The following SARS2 variants were observed in gnomAD, a reference collection of about 807,000 sequenced individuals.
SARS2 encodes serine--tRNA ligase, mitochondrial.
A neutral mutation model predicts 66.8 loss-of-function variants in SARS2; 52 were observed. The ratio of observed to expected loss-of-function variants is 0.78; its 90% CI spans 0.62 to 0.98. The LOEUF is 0.98. Among genes scored for constraint, SARS2 ranks in the 50% least tolerant of loss-of-function variants. The probability of loss-of-function intolerance (pLI) is 0.00; values close to 1 mark genes in which losing one functional copy is unlikely to be tolerated. For missense variants in SARS2, 673 were observed against 706.3 expected, an observed-to-expected ratio of 0.95 and a Z score of 0.53; for synonymous variants, 306 against 281.4, an observed-to-expected ratio of 1.09 and a Z score of -0.87.
Position 38,918,175 on chromosome 19 carries a change from C to T in SARS2, c.917-36G>A, listed in dbSNP as rs766596120. 68 of 1,574,324 alleles carry T rather than the reference C, an allele frequency of 4.3e-5. No individual in the cohort carries two copies. In the Middle Eastern group the frequency reaches 6.7e-4, roughly 15 times the overall value. On this transcript the variant is annotated intron_variant, in intron 9 of 15. Transcript: ENST00000221431. ...AGACCACAGGGTGAGCCAGGGCTGC[C>T]AGTGCCCAGAGGAAGCCTTTGGAAG... is the stretch of plus-strand genomic sequence containing the variant.
Position 38,930,704 on chromosome 19 carries a change from A to C in SARS2, c.33T>G (p.Pro11=), listed in dbSNP as rs771180690. The part of the protein sequence containing the change: MAASMARRLW[P]LLTRRGFRPR... ...GCCGGAACCCCCGACGAGTCAGCAAAGGCCACAAGCGCCGCGCCATGGACG... is the reference window on the plus strand; with the variant it reads ...GCCGGAACCCCCGACGAGTCAGCAACGGCCACAAGCGCCGCGCCATGGACG... Residue 11 remains proline (P), a synonymous_variant, in exon 1 of 16, where the codon CCT becomes CCG. Coordinates refer to ENST00000221431, the MANE Select transcript of SARS2 (RefSeq NM_017827.4). The C allele has an allele frequency of 2.5e-6, 4 of 1,613,820 alleles. No homozygotes were observed. The highest frequency in any genetic ancestry group is 3.4e-6 in the Non-Finnish European group (4 of 1,180,030).
chr19:38,928,205 C>T (rs1005091919), intron 1 of SARS2: 2 of 152,196 alleles, frequency 1.3e-5, no homozygotes, highest in African/African-American at 4.8e-5. Flanking sequence ...ATGGCAAAAT[C>T]CATCTCTACT....
In SARS2 at chr19:38,922,233, A is replaced by G; in HGVS notation, c.393+5T>C. On this transcript the variant is annotated splice_donor_5th_base_variant and intron_variant, in intron 3 of 15. Transcript: ENST00000221431. ...CCTGGATAGGACATCAACTCTTCACAGTACCTGCTGCACTTCACCACTGTC... is the reference window on the plus strand; with the variant it reads ...CCTGGATAGGACATCAACTCTTCACGGTACCTGCTGCACTTCACCACTGTC... The G allele has an allele frequency of 6.2e-7, 1 of 1,614,076 alleles. No homozygotes were observed.
rs367646704 is a variant in SARS2 at position 38,916,157 on chromosome 19, G to A, written c.1255-28C>T. On this transcript the variant is annotated intron_variant, in intron 13 of 15. Coordinates refer to ENST00000221431, the MANE Select transcript of SARS2 (RefSeq NM_017827.4). ...GGGGTGGAGGAGCGGCAGGCTGAGC[G>A]GATCAGGGATGGGGGGCAGGCCTGT... 3.5e-5 allele frequency: 57 copies of A among 1,613,544 alleles called. 1 individual carries two copies. The Middle Eastern group carries it at 1.5e-3, about 42-fold the overall frequency.
At chr19:38,918,558 T>G (rs199981080) in intron 8 of SARS2, 28 bp from the exon 9 acceptor site, 1 of 1,562,312 alleles carries the variant, frequency 6.4e-7, no homozygotes, top group Admixed American at 1.7e-5. Flanking sequence ...GCCACAGGGA[T>G]CAGGGGACAG....
rs370749017 is a variant in SARS2, at chr19:38,915,659, C to T, written c.1504G>A (p.Gly502Ser). ...CCAGGCTTCCGGGGCTGGTTGGGGC[C>T]GATGTACTGGAGAGGCACGTGGGTA... Reference protein sequence around the residue: ...APTHVPLQYIGPNQPRKPGLP... With the variant: ...APTHVPLQYISPNQPRKPGLP... Residue 502 changes from glycine (G) to serine (S), a missense_variant, in exon 16 of 16, where the codon GGC becomes AGC. Physicochemically the swap from Gly to Ser is moderately conservative, Grantham distance 56. Transcript: ENST00000221431. 3.1e-5 allele frequency: 50 copies of T among 1,613,042 alleles called. No homozygotes were observed. The highest frequency in any genetic ancestry group is 5.0e-5 in the Admixed American group (3 of 59,964).
At position 38,915,660 on chromosome 19, in the gene SARS2, G is replaced by C. The variant is rs562766344; in HGVS notation, c.1503C>G (p.Ile501Met). 1 of 1,613,208 alleles carries C rather than the reference G, an allele frequency of 6.2e-7. No homozygotes were observed. The highest frequency in any genetic ancestry group is 1.1e-5 in the South Asian group (1 of 91,014). The change falls in exon 16 of 16, where the codon ATC (isoleucine) becomes ATG (methionine). Residue 501 changes from isoleucine (I) to methionine (M), a missense_variant. Transcript: ENST00000221431. ...CAGGCTTCCGGGGCTGGTTGGGGCCGATGTACTGGAGAGGCACGTGGGTAG... is the reference window on the plus strand; with the variant it reads ...CAGGCTTCCGGGGCTGGTTGGGGCCCATGTACTGGAGAGGCACGTGGGTAG... ...TAPTHVPLQY[I>M]GPNQPRKPGL...
At position 38,916,329 on chromosome 19, in the gene SARS2, G is replaced by A. The variant is rs746422847; in HGVS notation, c.1161-15C>T. On this transcript the variant is annotated splice_polypyrimidine_tract_variant and intron_variant, in intron 12 of 15. Coordinates refer to ENST00000221431, the MANE Select transcript of SARS2 (RefSeq NM_017827.4). ...TATCCAGGACCCTGCGGTCAAGGAC[G>A]AAGGTGTGGGGAAGGTCAGCGGGTG... 1.8e-5 allele frequency: 29 copies of A among 1,609,674 alleles called. No individual in the cohort carries two copies. The highest frequency in any genetic ancestry group is 6.6e-5 in the South Asian group (6 of 90,992).
chr19:38,922,338 A>G (rs904465745), intron 2 of SARS2, 71 bp from the exon 3 acceptor site: 54 of 1,411,974 alleles, frequency 3.8e-5, no homozygotes, highest in Non-Finnish European at 5.2e-5. Context: ...AAAATGGTGA[A>G]AGGTCAAACA....
rs528674259 is a variant in SARS2 at position 38,922,274 on chromosome 19, G to A, written c.364-7C>T. On this transcript the variant is annotated splice_polypyrimidine_tract_variant and splice_region_variant and intron_variant, in intron 2 of 15. Transcript: ENST00000221431. Reference sequence around the variant, plus strand: ...CACCACTGTCCTGGTTTGCCTGGTAGAAAAGAGACAGGGTGGGTGATTAGG... The same window carrying A: ...CACCACTGTCCTGGTTTGCCTGGTAAAAAAGAGACAGGGTGGGTGATTAGG... 1 of 1,613,932 alleles carries A rather than the reference G, an allele frequency of 6.2e-7. No homozygotes were observed. The highest frequency in any genetic ancestry group is 1.7e-5 in the Admixed American group (1 of 59,988).
chr19:38,924,341 A>T (rs1437180160), intron 2 of SARS2, among the ~76,000 whole-genome samples: 1 of 152,136 alleles, frequency 6.6e-6, no homozygotes, highest in Non-Finnish European at 1.5e-5. Context: ...CCCTTGGGAA[A>T]ATCTCTGCCC....
intron 5 of SARS2, 128 bp downstream of exon 5, chr19:38,921,264 A>G (rs1600167587): frequency 1.0e-6 from 1 of 986,254 alleles, no homozygotes; most frequent in Non-Finnish European, 1.6e-6. Flanking sequence ...AGCTGGAGCC[A>G]CCTCCTGTAC....
chr19:38,924,818 G>A (rs895159019), intron 2 of SARS2, among the ~76,000 whole-genome samples: 2 of 152,092 alleles, frequency 1.3e-5, no homozygotes, highest in African/African-American at 2.4e-5. Context: ...ATTTAGGCCC[G>A]TTTTAATCTC....
intron 2 of SARS2, among the ~76,000 whole-genome samples, chr19:38,923,194 C>T (rs1020848704): frequency 2.2e-4 from 31 of 143,338 alleles, no homozygotes; most frequent in Admixed American, 1.3e-3. Flanking sequence ...CGTGAGCCAC[C>T]GCGCCCAGCC....
chr19:38,915,983 G>C, intron 14 of SARS2, 54 bp downstream of exon 14: 1 of 1,612,486 alleles, frequency 6.2e-7, no homozygotes, highest in Non-Finnish European at 8.5e-7. Context: ...GTGGGTCTAG[G>C]GCGGCAGAGG....
rs749641320 is a variant in SARS2 at position 38,916,296 on chromosome 19, G to C, written c.1179C>G (p.Thr393=). The C allele has an allele frequency of 5.0e-6, 8 of 1,613,962 alleles. No homozygotes were observed. The African/African-American group carries it at 1.1e-4, about 22-fold the overall frequency. The part of the protein sequence containing the change: ...GLHFRVLDMP[T]QELGLPAYRK... The stretch of plus-strand genomic sequence containing the variant: ...GGTAGGCGGGGAGGCCCAGTTCTTG[G>C]GTGGGCATATCCAGGACCCTGCGGT... The change falls in exon 13 of 16, where the codon ACC becomes ACG. Residue 393 remains threonine (T), a synonymous_variant. Coordinates refer to ENST00000221431, the MANE Select transcript of SARS2 (RefSeq NM_017827.4).
chr19:38,916,253 C>T lies in SARS2; in HGVS notation c.1222G>A (p.Ala408Thr). 1.2e-6 allele frequency: 2 copies of T among 1,614,082 alleles called. No individual in the cohort carries two copies. The highest frequency in any genetic ancestry group is 2.7e-5 in the African/African-American group (2 of 75,024). Residue 408 changes from alanine to threonine, a missense_variant, in exon 13 of 16, where the codon GCC becomes ACC. Transcript: ENST00000221431. ...AAGCGGCCTCGGCCTGGCATCCAGG[C>T]CTCAATGTCAAACTTGCGGTAGGCG... is the stretch of plus-strand genomic sequence containing the variant. The part of the protein sequence containing the change: ...LPAYRKFDIE[A>T]WMPGRGRFGE...
rs764680670 is a variant in SARS2, at chr19:38,915,911, G to A, written c.1348-5C>T. ...AGCACAGGCGGTGGCGTTCACCTGT[G>A]AGACAGCCATGCTCGGAACTGGCGC... On this transcript the variant is annotated splice_polypyrimidine_tract_variant and splice_region_variant and intron_variant, in intron 14 of 15. Transcript: ENST00000221431. 1.2e-6 allele frequency: 2 copies of A among 1,613,646 alleles called. No homozygotes were observed. The highest frequency in any genetic ancestry group is 1.7e-6 in the Non-Finnish European group (2 of 1,179,966).
chr19:38,924,509 G>A (rs777013882), intron 2 of SARS2, among the ~76,000 whole-genome samples: 1 of 152,162 alleles, frequency 6.6e-6, no homozygotes, highest in African/African-American at 2.4e-5. Flanking sequence ...TAGACAGCCC[G>A]AGGCTGGCCA....
Sources: allele counts gnomAD v4.1 joint callset (sites outside exome capture counted in the v4.1 genomes callset), GRCh38; gene constraint gnomAD v4.1.1; transcripts MANE v1.5; gene names NCBI Gene and HGNC (gene_info 2026-07-23, HGNC 2026-07-21).